MACROD2: variants seen among roughly 807,000 people sequenced by gnomAD.
The protein encoded by MACROD2 is mono-ADP ribosylhydrolase 2.
MACROD2 carries 36 observed loss-of-function variants against 70.4 expected under a neutral mutation model. That is an observed-to-expected ratio of 0.51 (90% confidence interval 0.39 to 0.68). The LOEUF is 0.68. Among genes scored for constraint, MACROD2 ranks in the 30% least tolerant of loss-of-function variants. The pLI is 0.00. For synonymous variants in MACROD2, 172 were observed against 178.8 expected, an observed-to-expected ratio of 0.96 and a Z score of 0.30; for missense variants, 496 against 538.4, an observed-to-expected ratio of 0.92 and a Z score of 0.78.
intron 2 of MACROD2, among the ~76,000 whole-genome samples, chr20:14,031,128 A>G (rs938564623): frequency 3.7e-4 from 57 of 152,350 alleles, no homozygotes; most frequent in African/African-American, 1.4e-3. Flanking sequence ...ATGGAATGCT[A>G]TGACTGGCTA....
chr20:14,816,798 G>A (rs1221110891), intron 5 of MACROD2, among the ~76,000 whole-genome samples: 1 of 151,822 alleles, frequency 6.6e-6, no homozygotes, highest in African/African-American at 2.4e-5. Context: ...GATTATATGA[G>A]ATTCTGGCCT....
intron 15 of MACROD2, among the ~76,000 whole-genome samples, chr20:16,012,496 T>G (rs2066876921): frequency 1.3e-5 from 2 of 152,182 alleles, no homozygotes; most frequent in Non-Finnish European, 2.9e-5. Flanking sequence ...CTCCAATGTG[T>G]AGCCAAGATG....
intron 4 of MACROD2, among the ~76,000 whole-genome samples, chr20:14,531,219 C>A (rs2085299562): frequency 6.6e-6 from 1 of 152,090 alleles, no homozygotes; most frequent in South Asian, 2.1e-4. Flanking sequence ...TGAATGTGAC[C>A]TTATTTGGAG....
At chr20:14,788,769 T>TG (rs2072408070) in intron 5 of MACROD2, among the ~76,000 whole-genome samples, 1 of 137,500 alleles carries the variant, frequency 7.3e-6, no homozygotes. Context: ...TGGTGTTTTT[T>TG]TTTTTTTTTT....
chr20:14,531,514 A>C (rs1034999724), intron 4 of MACROD2, among the ~76,000 whole-genome samples: 4 of 152,132 alleles, frequency 2.6e-5, no homozygotes, highest in African/African-American at 9.7e-5. Context: ...TGACACATTG[A>C]TTTTGGACCT....
intron 5 of MACROD2, among the ~76,000 whole-genome samples, chr20:14,834,929 TTATA>T (rs1348242856): frequency 6.6e-6 from 1 of 151,982 alleles, no homozygotes; most frequent in East Asian, 1.9e-4. Flanking sequence ...GTGTGTATAT[TTATA>T]TATAGACTAT....
rs1445703760 is a variant in MACROD2, at chr20:14,901,762, C to T, written c.418+216803C>T. ...CAAAACCAGAATTTGCATCTAATTGCCTGGAATAGTTTCTCTAGCCTCATT... is the reference window on the plus strand; with the variant it reads ...CAAAACCAGAATTTGCATCTAATTGTCTGGAATAGTTTCTCTAGCCTCATT... On this transcript the variant is annotated intron_variant, in intron 5 of 17. Transcript: ENST00000684519. Among the ~76,000 whole-genome samples the T allele has an allele frequency of 2.6e-5, 4 of 152,066 alleles. No homozygotes were observed. In the East Asian group the frequency reaches 7.7e-4, roughly 29 times the overall value.
chr20:15,270,875 T>C (rs1656485062), intron 6 of MACROD2, among the ~76,000 whole-genome samples: 1 of 152,252 alleles, frequency 6.6e-6, no homozygotes, highest in South Asian at 2.1e-4. Flanking sequence ...TCTGTGCAGC[T>C]ATTTTTTCTG....
chr20:14,929,596 A>C (rs997438398), intron 5 of MACROD2: 1 of 152,038 alleles, frequency 6.6e-6, no homozygotes, highest in East Asian at 1.9e-4. Context: ...GCCACTGGTG[A>C]CTGGACTCAT....
At chr20:14,134,244 T>A (rs985913163) in intron 3 of MACROD2, among the ~76,000 whole-genome samples, 2 of 152,196 alleles carry the variant, frequency 1.3e-5, no homozygotes, top group African/African-American at 4.8e-5. Context: ...GCTGGTTTTA[T>A]ATCGGGCCAC....
At chr20:15,512,487 G>A (rs12481149) in intron 8 of MACROD2, among the ~76,000 whole-genome samples, 8 of 152,270 alleles carry the variant, frequency 5.3e-5, no homozygotes, top group African/African-American at 1.7e-4. Flanking sequence ...CTTATTGTAG[G>A]CAGATTTGAA....
chr20:15,603,519 A>G (rs2048852648), intron 8 of MACROD2, among the ~76,000 whole-genome samples: 1 of 151,824 alleles, frequency 6.6e-6, no homozygotes, highest in Non-Finnish European at 1.5e-5. Context: ...AAAAAAAAAA[A>G]AAAGATATAA....
intron 8 of MACROD2, among the ~76,000 whole-genome samples, chr20:15,729,494 T>C (rs1036129282): frequency 6.6e-6 from 1 of 152,176 alleles, no homozygotes; most frequent in South Asian, 2.1e-4. Flanking sequence ...TGTGGAAGTC[T>C]CCTGCTATTA....
At chr20:15,943,555 C>A (rs1263949769) in intron 12 of MACROD2, among the ~76,000 whole-genome samples, 1 of 152,068 alleles carries the variant, frequency 6.6e-6, no homozygotes, top group Non-Finnish European at 1.5e-5. Flanking sequence ...TGGCTGTCCT[C>A]TGCTAGTATA....
At chr20:15,315,800 T>A (rs2077803148) in intron 6 of MACROD2, among the ~76,000 whole-genome samples, 2 of 152,166 alleles carry the variant, frequency 1.3e-5, no homozygotes, top group African/African-American at 4.8e-5. Flanking sequence ...TATTATTTTA[T>A]CTTTGGTTAA....
intron 5 of MACROD2, among the ~76,000 whole-genome samples, chr20:15,140,281 A>G (rs530518351): frequency 6.6e-6 from 1 of 152,298 alleles, no homozygotes; most frequent in East Asian, 1.9e-4. Flanking sequence ...GTTATGATGG[A>G]AGAACCTTGC....
chr20:15,899,330 A>G (rs1210791791), intron 10 of MACROD2, among the ~76,000 whole-genome samples: 1 of 152,158 alleles, frequency 6.6e-6, no homozygotes, highest in Non-Finnish European at 1.5e-5. Context: ...ATACATATAC[A>G]TGTATATCTA....
At chr20:14,947,260 A>G (rs1311512382) in intron 5 of MACROD2, among the ~76,000 whole-genome samples, 2 of 152,116 alleles carry the variant, frequency 1.3e-5, no homozygotes, top group Non-Finnish European at 2.9e-5. Context: ...GCTCTATAAC[A>G]ATGTTTCTGG....
At chr20:14,826,411 C>T (rs945665008) in intron 5 of MACROD2, among the ~76,000 whole-genome samples, 3 of 151,984 alleles carry the variant, frequency 2.0e-5, no homozygotes, top group African/African-American at 7.3e-5. Flanking sequence ...TTAAAATAAT[C>T]TTCTGTTTTG....
Sources: gnomAD v4.1 joint callset for allele counts (sites outside exome capture counted in the v4.1 genomes callset) on GRCh38, gnomAD v4.1.1 for gene constraint, MANE v1.5 for transcripts, NCBI Gene and HGNC (gene_info 2026-07-23, HGNC 2026-07-21) for gene names.